Variants in TMPRSS7 observed in about 807,000 individuals in gnomAD.
The protein encoded by TMPRSS7 is transmembrane serine protease 7, also known as transmembrane protease serine 7.
In TMPRSS7, 81 loss-of-function variants were observed where a neutral mutation model predicts 95.6. The observed-to-expected ratio is 0.85, with a 90% CI of 0.71 to 1.02. The LOEUF is 1.02. Among genes scored for constraint, TMPRSS7 ranks in the 50% least tolerant of loss-of-function variants. TMPRSS7 has a pLI of 0.00. For synonymous variants in TMPRSS7, 364 were observed against 337.8 expected (o/e 1.08, Z -0.85); for missense variants, 945 against 955.2 (o/e 0.99, Z 0.14).
intron 16 of TMPRSS7, among the ~76,000 whole-genome samples, chr3:112,078,096 C>T (rs553673870): frequency 6.6e-6 from 1 of 152,174 alleles, no homozygotes; most frequent in Non-Finnish European, 1.5e-5. Flanking sequence ...CTTGGGTCCA[C>T]TGAAGTCTCA....
At chr3:112,044,959 G>A (rs763466962) in intron 4 of TMPRSS7, among the ~76,000 whole-genome samples, 1 of 152,122 alleles carries the variant, frequency 6.6e-6, no homozygotes, top group African/African-American at 2.4e-5. Context: ...TCTGGGGGCC[G>A]ACTGGAAACC....
At chr3:112,073,419 A>T (rs2107761630) in intron 13 of TMPRSS7, among the ~76,000 whole-genome samples, 1 of 152,122 alleles carries the variant, frequency 6.6e-6, no homozygotes, top group Admixed American at 6.5e-5. Context: ...AGACTTTTTA[A>T]TGATCACCAT....
At chr3:112,041,934 A>C (rs2073214607) in exon 3 of TMPRSS7, 1 of 1,549,698 alleles carries the variant, frequency 6.5e-7, no homozygotes, top group Non-Finnish European at 8.7e-7. Context: ...AACAGAAAGC[A>C]AAGATGCTTT....
rs2073700334 is a variant in TMPRSS7 at position 112,075,442 on chromosome 3, C to T, written c.1905C>T (p.Val635=). 5.2e-6 allele frequency: 8 copies of T among 1,550,248 alleles called. No individual in the cohort carries two copies. In the South Asian group the frequency reaches 8.5e-5, roughly 16 times the overall value. Residue 635 remains valine (V), a synonymous_variant, in exon 15 of 18, where the codon GTC becomes GTT. Transcript: ENST00000452346. Reference sequence around the variant, plus strand: ...GATCTGCCTACTGTGGTGCCTCAGTCATCTCCAGGGAGTGGCTTCTTTCTG... The same window carrying T: ...GATCTGCCTACTGTGGTGCCTCAGTTATCTCCAGGGAGTGGCTTCTTTCTG...
In TMPRSS7 at chr3:112,075,452, G is replaced by T; in HGVS notation, c.1915G>T (p.Glu639Ter). 1 of 1,532,802 alleles carries T rather than the reference G, an allele frequency of 6.5e-7. No homozygotes were observed. The highest frequency in any genetic ancestry group is 8.8e-7 in the Non-Finnish European group (1 of 1,140,246). The allele number at this position is 1,532,802 out of a possible 1,614,324, so 95.0% of individuals were successfully genotyped here. A position where few individuals can be genotyped will look rare whatever the true frequency, so the allele number is the denominator to read the frequency against. The stretch of plus-strand genomic sequence containing the variant: ...CTGTGGTGCCTCAGTCATCTCCAGG[G>T]AGTGGCTTCTTTCTGCAGCCCACTG... Residue 639 changes from glutamate to a stop codon, truncating the protein, a stop_gained, in exon 15 of 18, where the codon GAG (glutamate) becomes TAG (stop). Transcript: ENST00000452346. LOFTEE classifies it high-confidence loss of function.
At chr3:112,061,765 T>G (rs201583103) in intron 10 of TMPRSS7, 22 bp from the exon 11 acceptor site, 2 of 1,586,342 alleles carry the variant, frequency 1.3e-6, no homozygotes, top group African/African-American at 2.7e-5. Flanking sequence ...CTGTGTATTC[T>G]CCCCGACTCT....
chr3:112,076,918 T>A lies in TMPRSS7; in HGVS notation c.1998T>A (p.Tyr666Ter), dbSNP rs1159945687. ...CATGGACTGCACACCTCGGGATGTA[T>A]GTTCAGGGGAATGCCAAGTTTGTCT... Residue 666 changes from tyrosine to a stop codon, truncating the protein, a stop_gained, in exon 16 of 18, where the codon TAT (tyrosine) becomes TAA (stop). Coordinates refer to ENST00000452346, the Ensembl canonical transcript of TMPRSS7. LOFTEE classifies it high-confidence loss of function. 6.2e-7 allele frequency: 1 copy of A among 1,614,212 alleles called. No individual in the cohort carries two copies.
intron 2 of TMPRSS7, among the ~76,000 whole-genome samples, chr3:112,038,761 C>T (rs181701502): frequency 1.9e-4 from 29 of 152,242 alleles, no homozygotes; most frequent in African/African-American, 6.3e-4. Context: ...GGATTACAGG[C>T]GTGAACCATG....
chr3:112,078,787 T>C lies in TMPRSS7; in HGVS notation c.2270T>C (p.Ile757Thr), dbSNP rs375835732. Residue 757 changes from isoleucine (I) to threonine (T), a missense_variant, in exon 17 of 18, where the codon ATT (isoleucine) becomes ACT (threonine). Coordinates refer to ENST00000452346, the Ensembl canonical transcript of TMPRSS7. ...CTGCAGCAAGCGGAGGTAGAGCTCA[T>C]TGATCAAACGCTCTGTGTTTCCACC... 37 of 1,614,226 alleles carry C rather than the reference T, an allele frequency of 2.3e-5. No homozygotes were observed. In the African/African-American group the frequency reaches 3.1e-4, roughly 13 times the overall value.
intron 16 of TMPRSS7, among the ~76,000 whole-genome samples, chr3:112,078,430 T>C (rs1419418719): frequency 6.6e-6 from 1 of 152,190 alleles, no homozygotes; most frequent in Non-Finnish European, 1.5e-5. Context: ...GTAATAACTG[T>C]TGCTGACTTA....
chr3:112,035,135 A>T (rs747890724), intron 1 of TMPRSS7, among the ~76,000 whole-genome samples: 1 of 152,214 alleles, frequency 6.6e-6, no homozygotes, highest in Non-Finnish European at 1.5e-5. Context: ...CACAAATTCC[A>T]TTTTAAAATT....
At chr3:112,073,426 C>G (rs1322127210) in intron 13 of TMPRSS7, among the ~76,000 whole-genome samples, 2 of 152,086 alleles carry the variant, frequency 1.3e-5, no homozygotes, top group African/African-American at 2.4e-5. Flanking sequence ...TTAATGATCA[C>G]CATTCTAACT....
exon 18 of TMPRSS7, chr3:112,081,144 A>G (rs2073774077): frequency 3.9e-6 from 6 of 1,520,012 alleles, no homozygotes; most frequent in Non-Finnish European, 5.3e-6. Context: ...AAAATGATGC[A>G]GTAATTGGCT....
rs751118088 is a variant in TMPRSS7 at position 112,058,385 on chromosome 3, C to T, written c.1310+1254C>T. ...ACCTGGGTTCAAGTTCCAGCTCTAT[C>T]GTTTAGTAGCTACATTAACTAGGGC... is the stretch of plus-strand genomic sequence containing the variant. On this transcript the variant is annotated intron_variant, in intron 10 of 17. Transcript: ENST00000452346. Among the ~76,000 whole-genome samples, 24 of 152,254 alleles carry T rather than the reference C, an allele frequency of 1.6e-4. No homozygotes were observed. In the East Asian group the frequency reaches 3.1e-3, roughly 20 times the overall value.
intron 5 of TMPRSS7, 102 bp downstream of exon 5, chr3:112,046,045 T>A: frequency 3.0e-6 from 3 of 1,011,840 alleles, no homozygotes; most frequent in Non-Finnish European, 4.3e-6. Flanking sequence ...AATGTGGGAT[T>A]ACCCCACAAT....
exon 11 of TMPRSS7, chr3:112,061,795 G>A (rs1333778164): frequency 1.2e-6 from 2 of 1,606,056 alleles, no homozygotes; most frequent in East Asian, 2.3e-5. Context: ...AGGTACTGTG[G>A]CTCCTACATG....
chr3:112,047,697 T>A, intron 6 of TMPRSS7, 42 bp from the exon 7 acceptor site: 1 of 1,376,696 alleles, frequency 7.3e-7, no homozygotes, highest in Non-Finnish European at 1.0e-6. Flanking sequence ...AAGTCATTCC[T>A]AAAAAAAAAG....
chr3:112,061,791 T>C (rs373363349), exon 11 of TMPRSS7: 78 of 1,605,774 alleles, frequency 4.9e-5, no homozygotes, highest in Non-Finnish European at 6.1e-5. Context: ...CCCCAGGTAC[T>C]GTGGCTCCTA....
At chr3:112,061,119 G>A (rs58414055) in intron 10 of TMPRSS7, among the ~76,000 whole-genome samples, 6,480 of 152,074 alleles carry the variant, frequency 0.043, 421 homozygotes, top group African/African-American at 0.14. Context: ...ACTAACTTAC[G>A]GGCCTGCAAT....
Sources: allele counts gnomAD v4.1 joint callset (sites outside exome capture counted in the v4.1 genomes callset), GRCh38; gene constraint gnomAD v4.1.1; transcripts MANE v1.5; gene names NCBI Gene and HGNC (gene_info 2026-07-23, HGNC 2026-07-21).